The following REV3L variants were observed in gnomAD, a reference collection of about 807,000 sequenced individuals.
The protein encoded by REV3L is REV3 like, DNA directed polymerase zeta catalytic subunit.
REV3L carries 69 observed loss-of-function variants against 299.4 expected under a neutral mutation model. That is an observed-to-expected ratio of 0.23 (90% CI 0.19 to 0.28). REV3L has a LOEUF of 0.28. Ranked by LOEUF, REV3L falls within the 10% of genes least tolerant of loss-of-function variation. The pLI, the probability that REV3L is intolerant of heterozygous loss-of-function variation, is 1.00. For synonymous variants in REV3L, 1,238 were observed against 1,271.4 expected (o/e 0.97, Z 0.56); for missense variants, 3,128 against 3,693.8 (o/e 0.85, Z 3.97).
At chr6:111,358,225 T>A (rs1053680868) in intron 17 of REV3L, among the ~76,000 whole-genome samples, 1 of 152,184 alleles carries the variant, frequency 6.6e-6, no homozygotes, top group African/African-American at 2.4e-5. Context: ...AGTAAGAATA[T>A]ATCTTAAAAG....
intron 21 of REV3L, 125 bp from the exon 22 acceptor site, chr6:111,335,735 T>A: frequency 3.2e-6 from 3 of 926,108 alleles, no homozygotes; most frequent in African/African-American, 1.7e-5. Context: ...AGTAATGATA[T>A]GAGCCTTTAA....
At chr6:111,343,407 T>C (rs1463871787) in intron 21 of REV3L, among the ~76,000 whole-genome samples, 1 of 152,156 alleles carries the variant, frequency 6.6e-6, no homozygotes, top group East Asian at 1.9e-4. Context: ...TAGGGATGGG[T>C]AGGTTGACTG....
At chr6:111,483,651 A>G (rs1562387833), upstream of REV3L, 2 of 425,224 alleles carry the variant, frequency 4.7e-6, no homozygotes, top group Non-Finnish European at 9.4e-6. Context: ...AGCCGCTGAG[A>G]CGGTTTTTCA....
In REV3L at chr6:111,417,832, C is replaced by T. The variant is rs187884824; in HGVS notation, c.140-1360G>A. ...CATAATGAAACAAGATCTGATTCTC[C>T]GAACTGTAATATTCTGATTTGAACT... On this transcript the variant is annotated intron_variant, in intron 1 of 31. Transcript: ENST00000368802. Among the ~76,000 whole-genome samples the T allele has an allele frequency of 3.7e-4, 57 of 152,256 alleles. 1 individual carries two copies. The highest frequency in any genetic ancestry group is 1.3e-3 in the African/African-American group (55 of 41,554).
chr6:111,386,391 C>T (rs1041766009), intron 9 of REV3L, among the ~76,000 whole-genome samples: 16 of 152,158 alleles, frequency 1.1e-4, no homozygotes, highest in Non-Finnish European at 2.1e-4. Context: ...ATTAAAACCA[C>T]AGTAGGATTC....
chr6:111,308,201 T>G (rs1582439766), intron 30 of REV3L: 1 of 440,116 alleles, frequency 2.3e-6, no homozygotes, highest in Non-Finnish European at 4.5e-6. Context: ...GACATTTGGG[T>G]TGGTTCCAAG....
chr6:111,337,490 G>C (rs1270041626), intron 21 of REV3L, among the ~76,000 whole-genome samples: 1 of 152,050 alleles, frequency 6.6e-6, no homozygotes, highest in Non-Finnish European at 1.5e-5. Flanking sequence ...ATGGTATGAT[G>C]AACATTTTTA....
chr6:111,308,100 G>C (rs924441661), intron 30 of REV3L: 3 of 321,458 alleles, frequency 9.3e-6, no homozygotes, highest in Non-Finnish European at 1.8e-5. Flanking sequence ...CCATGTCCCT[G>C]CAAAGGACAT....
rs550902652 is a variant in REV3L at position 111,428,610 on chromosome 6, G to A, written c.140-12138C>T. On this transcript the variant is annotated intron_variant, in intron 1 of 31. Coordinates refer to ENST00000368802, the MANE Select transcript of REV3L (RefSeq NM_001372078.1). Reference sequence around the variant, plus strand: ...AAAAATTCATTAAAGTCTCTCAATAGCAGGATATATGAAACAAAAAAAAGT... The same window carrying A: ...AAAAATTCATTAAAGTCTCTCAATAACAGGATATATGAAACAAAAAAAAGT... 4.6e-5 allele frequency among the ~76,000 whole-genome samples: 7 copies of A among 152,048 alleles called. No homozygotes were observed. The South Asian group carries it at 1.5e-3, about 32-fold the overall frequency.
intron 1 of REV3L, among the ~76,000 whole-genome samples, chr6:111,454,603 T>C (rs1270053757): frequency 6.6e-6 from 1 of 152,168 alleles, no homozygotes; most frequent in Non-Finnish European, 1.5e-5. Flanking sequence ...TTGTTCTCTA[T>C]AAATTTGACT....
In REV3L at chr6:111,372,967, T is replaced by C; in HGVS notation, c.5388A>G (p.Ser1796=). Residue 1796 remains serine, a synonymous_variant, in exon 13 of 32, where the codon TCA becomes TCG. Coordinates refer to ENST00000368802, the MANE Select transcript of REV3L (RefSeq NM_001372078.1). The part of the protein sequence containing the change: ...VFLSLPQPNN[S]DWIQGHTRKE... ...TTCTGGTGTGACCTTGAATCCAGTC[T>C]GAATTGTTTGGCTGTGGGAGGCTAA... 1 of 1,614,196 alleles carries C rather than the reference T, an allele frequency of 6.2e-7. No homozygotes were observed. Among genetic ancestry groups the C allele is most frequent in the Non-Finnish European group, 8.5e-7 (1 of 1,180,018 alleles).
chr6:111,482,991 T>A lies in REV3L; in HGVS notation c.-103A>T, dbSNP rs1468320080. On this transcript the variant is annotated 5_prime_UTR_variant, in exon 1 of 32. Coordinates refer to ENST00000368802, the MANE Select transcript of REV3L (RefSeq NM_001372078.1). Reference sequence around the variant, plus strand: ...GCGGCGGCGGCGCCCCCTCCCCTTCTCGGCACGGCCCCCTCCCCTCACACA... The same window carrying A: ...GCGGCGGCGGCGCCCCCTCCCCTTCACGGCACGGCCCCCTCCCCTCACACA... 2 of 1,326,080 alleles carry A rather than the reference T, an allele frequency of 1.5e-6. No individual in the cohort carries two copies. The highest frequency in any genetic ancestry group is 4.0e-5 in the Admixed American group (1 of 24,738). The allele number at this position is 1,326,080 out of a possible 1,614,324, so 82.1% of individuals were successfully genotyped here.
Position 111,318,838 on chromosome 6 carries a change from T to A in REV3L, c.8352-3457A>T, listed in dbSNP as rs1773820156. ...GCCCAAAGTGCTGGGATTACAGGCA[T>A]GAGCCACCGCGCCCGGCCGTATGCA... On this transcript the variant is annotated intron_variant, in intron 26 of 31. Transcript: ENST00000368802. Among the ~76,000 whole-genome samples, 4 of 152,134 alleles carry A rather than the reference T, an allele frequency of 2.6e-5. 1 individual carries two copies. In the South Asian group the frequency reaches 8.3e-4, roughly 32 times the overall value.
In REV3L at chr6:111,375,695, T is replaced by C. The variant is rs919824392; in HGVS notation, c.2660A>G (p.Asn887Ser). The C allele has an allele frequency of 3.7e-6, 6 of 1,613,924 alleles. No individual in the cohort carries two copies. Among genetic ancestry groups the C allele is most frequent in the Non-Finnish European group, 4.2e-6 (5 of 1,179,950 alleles). Residue 887 changes from asparagine (N) to serine (S), a missense_variant, in exon 13 of 32, where the codon AAT becomes AGT. Physicochemically the swap from Asn to Ser is conservative, Grantham distance 46. Transcript: ENST00000368802. ...TATAAAACCATCTGTGGGTGTTTTA[T>C]TTTCAAAAGCTCCACGAGTGGTTTT... is the stretch of plus-strand genomic sequence containing the variant. Reference protein sequence around the residue: ...LTKTTRGAFENKTPTDGFIDC... With the variant: ...LTKTTRGAFESKTPTDGFIDC...
intron 10 of REV3L, among the ~76,000 whole-genome samples, chr6:111,380,447 G>C (rs1156262832): frequency 6.6e-6 from 1 of 152,090 alleles, no homozygotes; most frequent in East Asian, 1.9e-4. Flanking sequence ...TTTTAGCAGA[G>C]ATGGGGTTTC....
intron 3 of REV3L, among the ~76,000 whole-genome samples, chr6:111,407,865 G>T (rs1436982559): frequency 1.3e-5 from 2 of 152,172 alleles, no homozygotes; most frequent in African/African-American, 4.8e-5. Context: ...GAACCCCGGA[G>T]GATGAGGTTA....
In REV3L at chr6:111,375,808, C is replaced by G. The variant is rs762228249; in HGVS notation, c.2547G>C (p.Glu849Asp). 6.2e-7 allele frequency: 1 copy of G among 1,613,442 alleles called. No individual in the cohort carries two copies. Among genetic ancestry groups the G allele is most frequent in the Non-Finnish European group, 8.5e-7 (1 of 1,179,726 alleles). The change falls in exon 13 of 32, where the codon GAG (glutamate) becomes GAC (aspartate). Residue 849 changes from glutamate to aspartate, a missense_variant. By Grantham distance (45) the Glu-to-Asp change is conservative. This residue lies in a region of REV3L where 2,409 missense variants were observed against 2,611.8 expected (regional missense o/e 0.92). Coordinates refer to ENST00000368802, the MANE Select transcript of REV3L (RefSeq NM_001372078.1). ...TAAAATTATCTTTTGTGGATCCAGT[C>G]TCACTACTTTTGGTAGAAGTCTCCT... ...GHQETSTKSSETGSTKDNFIQ... is the reference protein window; with the variant it reads ...GHQETSTKSSDTGSTKDNFIQ...
At chr6:111,339,106 A>G (rs1776232151) in intron 21 of REV3L, among the ~76,000 whole-genome samples, 1 of 152,168 alleles carries the variant, frequency 6.6e-6, no homozygotes, top group Non-Finnish European at 1.5e-5. Context: ...TATTATTATG[A>G]TAATTATGGT....
At chr6:111,393,741 A>C (rs1179023995) in intron 4 of REV3L, among the ~76,000 whole-genome samples, 1 of 151,970 alleles carries the variant, frequency 6.6e-6, no homozygotes, top group Non-Finnish European at 1.5e-5. Flanking sequence ...TATGTTGCCC[A>C]GACTGGAATC....
Sources: allele counts gnomAD v4.1 joint callset (sites outside exome capture counted in the v4.1 genomes callset), GRCh38; gene constraint gnomAD v4.1.1; regional missense constraint gnomAD v4.1.1; transcripts MANE v1.5; gene names NCBI Gene and HGNC (gene_info 2026-07-23, HGNC 2026-07-21).